ICE2: variants seen among roughly 807,000 people sequenced by gnomAD.
ICE2 encodes little elongation complex subunit 2.
Under a neutral mutation model 105.4 loss-of-function variants are expected in ICE2, and 87 were observed. The ratio of observed to expected loss-of-function variants is 0.83; its 90% CI spans 0.69 to 0.99. The LOEUF (loss-of-function observed/expected upper bound fraction) is 0.99, where lower values mean the gene tolerates loss of function less well. Ranked by LOEUF, ICE2 falls within the 50% of genes least tolerant of loss-of-function variation. The probability of loss-of-function intolerance (pLI) is 0.00; values close to 1 mark genes in which losing one functional copy is unlikely to be tolerated. For missense variants in ICE2, 1,323 were observed against 1,146.7 expected, an observed-to-expected ratio of 1.15 and a Z score of -2.22; for synonymous variants, 399 against 392.0, an observed-to-expected ratio of 1.02 and a Z score of -0.21.
intron 3 of ICE2, among the ~76,000 whole-genome samples, chr15:60,472,448 A>T (rs2064628333): frequency 6.6e-6 from 1 of 152,140 alleles, no homozygotes; most frequent in African/African-American, 2.4e-5. Flanking sequence ...TAATAAAACA[A>T]AGTTAGGAAA....
At chr15:60,450,874 C>T (rs1456779061) in intron 9 of ICE2, among the ~76,000 whole-genome samples, 1 of 152,134 alleles carries the variant, frequency 6.6e-6, no homozygotes, top group Non-Finnish European at 1.5e-5. Flanking sequence ...TACTAAAAGA[C>T]TACCAAATTT....
At position 60,442,373 on chromosome 15, in the gene ICE2, C is replaced by A. The variant is rs760119338; in HGVS notation, c.2425+43G>T. 5 of 1,525,156 alleles carry A rather than the reference C, an allele frequency of 3.3e-6. No homozygotes were observed. The East Asian group carries it at 1.2e-4, about 35-fold the overall frequency. 94.5% of individuals were successfully genotyped at this position (1,525,156 alleles called of 1,614,324 possible). ...AATTGAATTTACAAGTATGTAATTA[C>A]AAGAAAATTAAAAAGGAGAATAAAG... On this transcript the variant is annotated intron_variant, in intron 12 of 15. Transcript: ENST00000261520.
chr15:60,437,055 C>T (rs1337184057), intron 12 of ICE2, among the ~76,000 whole-genome samples: 1 of 151,880 alleles, frequency 6.6e-6, no homozygotes, highest in Non-Finnish European at 1.5e-5. Flanking sequence ...GAGTTCAAGA[C>T]CAGCCTGGCC....
intron 9 of ICE2, 118 bp from the exon 10 acceptor site, chr15:60,449,959 T>C: frequency 1.3e-6 from 1 of 747,172 alleles, no homozygotes. Context: ...AAGAAAAGTC[T>C]AATGGTTGTA....
At chr15:60,469,717 C>T (rs1390583923) in intron 3 of ICE2, among the ~76,000 whole-genome samples, 1 of 152,150 alleles carries the variant, frequency 6.6e-6, no homozygotes, top group Non-Finnish European at 1.5e-5. Context: ...ACATAGTTTA[C>T]CATGGCATAC....
intron 11 of ICE2, chr15:60,445,673 G>A: frequency 2.0e-6 from 2 of 985,084 alleles, no homozygotes; most frequent in Non-Finnish European, 2.4e-6. Flanking sequence ...CCTTAGTCAA[G>A]TGAATTACAA....
chr15:60,448,309 T>G (rs953159863), intron 10 of ICE2, among the ~76,000 whole-genome samples, 164 bp from the exon 11 acceptor site: 9 of 152,236 alleles, frequency 5.9e-5, no homozygotes, highest in African/African-American at 2.2e-4. Flanking sequence ...TTACTTTTAC[T>G]GGAACTGCAG....
chr15:60,429,009 T>C (rs1433462052), intron 14 of ICE2, among the ~76,000 whole-genome samples: 1 of 152,236 alleles, frequency 6.6e-6, no homozygotes, highest in Admixed American at 6.5e-5. Flanking sequence ...TTTATAGGTA[T>C]CTATACTGAA....
chr15:60,470,592 A>C (rs1262156148), intron 3 of ICE2, among the ~76,000 whole-genome samples: 1 of 152,206 alleles, frequency 6.6e-6, no homozygotes, highest in Non-Finnish European at 1.5e-5. Flanking sequence ...ATCTCTTACC[A>C]GATACAAATA....
chr15:60,424,409 G>A (rs1162666837), intron 15 of ICE2, among the ~76,000 whole-genome samples: 1 of 152,184 alleles, frequency 6.6e-6, no homozygotes, highest in Non-Finnish European at 1.5e-5. Flanking sequence ...CTGGAAGGGG[G>A]AATACAGAGG....
intron 13 of ICE2, 76 bp downstream of exon 13, chr15:60,436,067 T>G: frequency 1.7e-6 from 1 of 573,456 alleles, no homozygotes; most frequent in Non-Finnish European, 3.0e-6. Flanking sequence ...AATTTAAGCT[T>G]AAACAATATT....
Position 60,449,641 on chromosome 15 carries a change from C to T in ICE2, c.1326G>A (p.Val442=), listed in dbSNP as rs991987407. 2.5e-6 allele frequency: 4 copies of T among 1,613,924 alleles called. No individual in the cohort carries two copies. The African/African-American group carries it at 4.0e-5, about 16-fold the overall frequency. The change falls in exon 10 of 16, where the codon GTG becomes GTA. Residue 442 remains valine, a synonymous_variant. Transcript: ENST00000261520. ...PTAPKAGTTT[V]APSAPDISAN... is the part of the protein sequence containing the mutation. ...CAGAAATGTCTGGTGCACTTGGTGC[C>T]ACAGTTGTAGTTCCTGCTTTGGGGG...
chr15:60,463,369 A>T (rs1377289092), intron 5 of ICE2, among the ~76,000 whole-genome samples: 2 of 152,216 alleles, frequency 1.3e-5, no homozygotes, highest in Admixed American at 6.5e-5. Context: ...GGAAAAATGG[A>T]CAGAAATGAA....
chr15:60,429,352 A>G (rs1456670184), intron 14 of ICE2, among the ~76,000 whole-genome samples: 1 of 152,224 alleles, frequency 6.6e-6, no homozygotes, highest in Non-Finnish European at 1.5e-5. Flanking sequence ...ATGCTAAGCA[A>G]TTTGCCCAAA....
At chr15:60,427,288 G>C (rs898820696) in intron 15 of ICE2, among the ~76,000 whole-genome samples, 2 of 152,124 alleles carry the variant, frequency 1.3e-5, no homozygotes, top group Non-Finnish European at 2.9e-5. Context: ...AGATGCTCTG[G>C]GGCAACCATA....
intron 12 of ICE2, chr15:60,441,626 A>C (rs961891333): frequency 5.9e-5 from 9 of 152,222 alleles, no homozygotes; most frequent in Non-Finnish European, 8.8e-5. Context: ...AAAGCAAAAG[A>C]CTACACAGAG....
intron 6 of ICE2, among the ~76,000 whole-genome samples, chr15:60,456,435 T>C (rs1006647756): frequency 1.3e-5 from 2 of 148,826 alleles, no homozygotes; most frequent in Non-Finnish European, 3.0e-5. Flanking sequence ...TTCCAGCTAC[T>C]TGGGAGGCTA....
intron 13 of ICE2, among the ~76,000 whole-genome samples, chr15:60,433,605 C>G (rs1179067746): frequency 6.6e-6 from 1 of 152,008 alleles, no homozygotes. Flanking sequence ...ATTCTCCTGC[C>G]TCAGCCACCC....
chr15:60,436,990 C>A (rs540828698), intron 12 of ICE2, among the ~76,000 whole-genome samples: 1 of 151,996 alleles, frequency 6.6e-6, no homozygotes, highest in Non-Finnish European at 1.5e-5. Context: ...TGGTGGCTCA[C>A]GCCTGAAATC....
Sources: gnomAD v4.1 joint callset for allele counts (sites outside exome capture counted in the v4.1 genomes callset) on GRCh38, gnomAD v4.1.1 for gene constraint, MANE v1.5 for transcripts, NCBI Gene and HGNC (gene_info 2026-07-23, HGNC 2026-07-21) for gene names.